Variants in PSD3 observed in about 807,000 individuals in gnomAD.
PSD3 encodes pleckstrin and Sec7 domain containing 3.
A neutral mutation model predicts 105.5 loss-of-function variants in PSD3; 49 were observed. That is an observed-to-expected ratio of 0.46 (90% CI 0.37 to 0.59). The LOEUF (loss-of-function observed/expected upper bound fraction) is 0.59. Ranked by LOEUF, PSD3 falls within the 20% of genes least tolerant of loss-of-function variation. The pLI is 0.00. For missense variants in PSD3, 1,561 were observed against 1,263.8 expected, an observed-to-expected ratio of 1.24 and a Z score of -3.57; for synonymous variants, 557 against 457.8, an observed-to-expected ratio of 1.22 and a Z score of -2.77.
intron 9 of PSD3, among the ~76,000 whole-genome samples, chr8:18,719,911 G>A (rs1162041472): frequency 6.6e-6 from 1 of 152,106 alleles, no homozygotes; most frequent in East Asian, 1.9e-4. Context: ...CTATAAACAC[G>A]AAGGATTAAA....
intron 13 of PSD3, among the ~76,000 whole-genome samples, chr8:18,574,746 G>A (rs1322405372): frequency 6.6e-6 from 1 of 152,172 alleles, no homozygotes; most frequent in African/African-American, 2.4e-5. Context: ...CACTAGTGAC[G>A]AGCTGAGGTT....
Position 18,804,592 on chromosome 8 carries a change from T to C in PSD3, c.1840A>G (p.Ser614Gly), listed in dbSNP as rs1811028520. The C allele has an allele frequency of 6.2e-7, 1 of 1,613,114 alleles. No individual in the cohort carries two copies. Among genetic ancestry groups the C allele is most frequent in the African/African-American group, 1.3e-5 (1 of 74,916 alleles). The stretch of plus-strand genomic sequence containing the variant: ...AGATATTCTTCTGCAACTAGTTTGC[T>C]AAATTCGTTGCTATAAGAAAACAGA... ...AKHLGKNNEF[S>G]KLVAEEYLKF... is the part of the protein sequence containing the mutation. The change falls in exon 6 of 16, where the codon AGC (serine) becomes GGC (glycine). Residue 614 changes from serine (S) to glycine (G), a missense_variant. By Grantham distance (56) the Ser-to-Gly change is moderately conservative. Transcript: ENST00000327040.
intron 13 of PSD3, among the ~76,000 whole-genome samples, chr8:18,573,854 C>T (rs968017213): frequency 2.0e-5 from 3 of 152,066 alleles, no homozygotes; most frequent in Non-Finnish European, 4.4e-5. Context: ...TGATTCAAAA[C>T]TAGATTGTGG....
At chr8:18,718,669 T>C (rs1366118538) in intron 9 of PSD3, among the ~76,000 whole-genome samples, 1 of 152,198 alleles carries the variant, frequency 6.6e-6, no homozygotes, top group Non-Finnish European at 1.5e-5. Context: ...AGACCCGAAA[T>C]GTCATATAAT....
At chr8:18,904,928 AC>A (rs1452872930) in intron 2 of PSD3, among the ~76,000 whole-genome samples, 1 of 152,222 alleles carries the variant, frequency 6.6e-6, no homozygotes, top group Non-Finnish European at 1.5e-5. Flanking sequence ...TTATTCAAGA[AC>A]TTTTGCAATC....
At chr8:18,631,875 T>TC (rs1585442131) in intron 11 of PSD3, among the ~76,000 whole-genome samples, 1 of 151,952 alleles carries the variant, frequency 6.6e-6, no homozygotes, top group Non-Finnish European at 1.5e-5. Flanking sequence ...ATCCATCTCT[T>TC]CACCCCAAAG....
intron 12 of PSD3, among the ~76,000 whole-genome samples, chr8:18,578,517 C>A (rs12549639): frequency 0.28 from 42,087 of 151,954 alleles, 6,862 homozygotes; most frequent in East Asian, 0.45. Flanking sequence ...TCTATGTAAC[C>A]GTTGGGATGG....
chr8:18,905,512 G>A (rs1819785028), intron 2 of PSD3, among the ~76,000 whole-genome samples: 1 of 152,054 alleles, frequency 6.6e-6, no homozygotes, highest in African/African-American at 2.4e-5. Flanking sequence ...TTAATAGACG[G>A]GGTTTCACCA....
intron 15 of PSD3, among the ~76,000 whole-genome samples, chr8:18,549,533 T>C (rs1476083660): frequency 6.6e-6 from 1 of 152,198 alleles, no homozygotes; most frequent in Non-Finnish European, 1.5e-5. Flanking sequence ...TATAATCTAA[T>C]GGTGTGCTAA....
chr8:18,707,972 C>A (rs893185761), intron 9 of PSD3, among the ~76,000 whole-genome samples: 1 of 152,190 alleles, frequency 6.6e-6, no homozygotes, highest in Non-Finnish European at 1.5e-5. Flanking sequence ...TTAGGCAATG[C>A]CACCTACATT....
intron 2 of PSD3, among the ~76,000 whole-genome samples, chr8:18,893,864 G>T (rs1189023837): frequency 6.6e-6 from 1 of 152,184 alleles, no homozygotes; most frequent in African/African-American, 2.4e-5. Flanking sequence ...CATTTCCTTG[G>T]CCTGTTGTAC....
At chr8:18,745,896 C>A (rs1804970687) in intron 9 of PSD3, among the ~76,000 whole-genome samples, 1 of 152,122 alleles carries the variant, frequency 6.6e-6, no homozygotes, top group African/African-American at 2.4e-5. Context: ...AAAACTGCCT[C>A]TTATCATCTA....
chr8:18,765,665 G>A (rs1806921595), intron 8 of PSD3, 127 bp from the exon 9 acceptor site: 9 of 780,678 alleles, frequency 1.2e-5, no homozygotes, highest in South Asian at 6.3e-5. Flanking sequence ...GGTGGCTCAC[G>A]CCTGTAACTT....
chr8:18,977,995 C>G (rs1195285727), intron 1 of PSD3, among the ~76,000 whole-genome samples: 1 of 152,188 alleles, frequency 6.6e-6, no homozygotes, highest in Non-Finnish European at 1.5e-5. Flanking sequence ...TTACTGAGAA[C>G]CCATACGTTC....
Position 18,944,161 on chromosome 8 carries a change from GTTC to G in PSD3, c.22-8022_22-8020del, listed in dbSNP as rs1300576251. ...GCTTATCTTCATGTTTCATGAGGCT[GTTC>G]TTCTCTTTGCACCCTATCAGTGGCA... On this transcript the variant is annotated intron_variant, in intron 1 of 15. Transcript: ENST00000327040. 9.2e-5 allele frequency among the ~76,000 whole-genome samples: 14 copies of G among 152,264 alleles called. No homozygotes were observed. The South Asian group carries it at 1.7e-3, about 18-fold the overall frequency.
chr8:18,802,911 C>T (rs1461223307), intron 6 of PSD3, among the ~76,000 whole-genome samples: 1 of 152,188 alleles, frequency 6.6e-6, no homozygotes, highest in African/African-American at 2.4e-5. Flanking sequence ...TTGTTGCAAA[C>T]AGTTTTATAG....
intron 10 of PSD3, among the ~76,000 whole-genome samples, chr8:18,644,965 G>A (rs1280152464): frequency 6.6e-6 from 1 of 152,180 alleles, no homozygotes; most frequent in Non-Finnish European, 1.5e-5. Flanking sequence ...ACCCCCACCT[G>A]CTCTCTTGTG....
chr8:18,805,171 T>A (rs1586067504), intron 4 of PSD3, among the ~76,000 whole-genome samples: 1 of 152,186 alleles, frequency 6.6e-6, no homozygotes, highest in Non-Finnish European at 1.5e-5. Flanking sequence ...CTTATGTGGG[T>A]TATACCTACC....
chr8:18,537,159 G>T (rs535106869), intron 15 of PSD3, among the ~76,000 whole-genome samples: 1 of 152,144 alleles, frequency 6.6e-6, no homozygotes, highest in Non-Finnish European at 1.5e-5. Context: ...GGGTGTGAGC[G>T]CTGGTTGCCG....
Sources: gnomAD v4.1 joint callset for allele counts (sites outside exome capture counted in the v4.1 genomes callset) on GRCh38, gnomAD v4.1.1 for gene constraint, MANE v1.5 for transcripts, NCBI Gene and HGNC (gene_info 2026-07-23, HGNC 2026-07-21) for gene names.